TSNARE1: variants seen among roughly 807,000 people sequenced by gnomAD.
The protein encoded by TSNARE1 is t-SNARE domain containing 1.
A neutral mutation model predicts 62.0 loss-of-function variants in TSNARE1; 49 were observed. The observed-to-expected ratio is 0.79, with a 90% CI of 0.63 to 1.00. TSNARE1 has a LOEUF of 1.00. Ranked by LOEUF, TSNARE1 falls within the 50% of genes least tolerant of loss-of-function variation. The pLI, the probability that TSNARE1 is intolerant of heterozygous loss-of-function variation, is 0.00. For missense variants in TSNARE1, 755 were observed against 700.1 expected (o/e 1.08, Z -0.88); for synonymous variants, 328 against 294.4 (o/e 1.11, Z -1.17).
chr8:142,383,801 A>G (rs76017176), intron 1 of TSNARE1, among the ~76,000 whole-genome samples: 2 of 152,152 alleles, frequency 1.3e-5, no homozygotes, highest in African/African-American at 4.8e-5. Context: ...TTCCTTCTAG[A>G]ACTCACCTTA....
At chr8:142,317,214 G>A (rs1367711564) in intron 7 of TSNARE1, among the ~76,000 whole-genome samples, 14 of 143,272 alleles carry the variant, frequency 9.8e-5, no homozygotes, top group African/African-American at 2.4e-4. Flanking sequence ...CACACTGCAC[G>A]CGTGAAGCGG....
At chr8:142,324,596 CG>C (rs1563915419) in intron 6 of TSNARE1, among the ~76,000 whole-genome samples, 2 of 152,246 alleles carry the variant, frequency 1.3e-5, no homozygotes, top group East Asian at 3.8e-4. Context: ...TCATGTCCCG[CG>C]TATCTCATAC....
At chr8:142,375,055 C>T (rs1172579220) in intron 1 of TSNARE1, among the ~76,000 whole-genome samples, 1 of 152,226 alleles carries the variant, frequency 6.6e-6, no homozygotes, top group East Asian at 1.9e-4. Context: ...AACCACAGTA[C>T]TCGACCACAG....
rs139538973 is a variant in TSNARE1, at chr8:142,352,663, C to T, written c.88+1974G>A. On this transcript the variant is annotated intron_variant, in intron 2 of 13. Coordinates refer to ENST00000524325, the MANE Select transcript of TSNARE1 (RefSeq NM_145003.5). Reference sequence around the variant, plus strand: ...GCTCTCAGAACACGATGCGTAAAAGCAGCACGACACGGAGCAACGCAAATC... The same window carrying T: ...GCTCTCAGAACACGATGCGTAAAAGTAGCACGACACGGAGCAACGCAAATC... 9.8e-3 allele frequency among the ~76,000 whole-genome samples: 1,497 copies of T among 152,376 alleles called. 13 individuals are homozygous for T. Among genetic ancestry groups the T allele is most frequent in the East Asian group, 0.021 (108 of 5,186 alleles).
At chr8:142,305,764 C>G (rs1397105501) in intron 9 of TSNARE1, among the ~76,000 whole-genome samples, 1 of 152,200 alleles carries the variant, frequency 6.6e-6, no homozygotes, top group Admixed American at 6.5e-5. Flanking sequence ...GAGGGGACGG[C>G]CCTGTGATAG....
chr8:142,263,067 A>G (rs1159781116), intron 12 of TSNARE1, among the ~76,000 whole-genome samples: 1 of 152,154 alleles, frequency 6.6e-6, no homozygotes, highest in South Asian at 2.1e-4. Flanking sequence ...TGTCCTTTCT[A>G]ACTGAGCCCA....
chr8:142,283,833 A>T (rs568788657), intron 11 of TSNARE1, among the ~76,000 whole-genome samples: 2 of 132,030 alleles, frequency 1.5e-5, no homozygotes, highest in East Asian at 4.5e-4. Context: ...GTGTCTGTCA[A>T]TGAGCAGAGG....
chr8:142,256,327 ATCTTTG>A (rs879344493), intron 12 of TSNARE1, among the ~76,000 whole-genome samples: 183 of 144,364 alleles, frequency 1.3e-3, no homozygotes, highest in South Asian at 1.8e-3. Context: ...CACCATCACC[ATCTTTG>A]CCACCATCAT....
Position 142,223,039 on chromosome 8 carries a change from C to T in TSNARE1, c.*11+6434G>A, listed in dbSNP as rs183221110. On this transcript the variant is annotated intron_variant, in intron 13 of 13. Transcript: ENST00000524325. ...ACTCACTCAGCCACTCACTCATTCA[C>T]TCACTCACTCATTCACTCATTCACT... 2.9e-4 allele frequency among the ~76,000 whole-genome samples: 27 copies of T among 92,476 alleles called. 1 individual carries two copies. Among genetic ancestry groups the T allele is most frequent in the African/African-American group, 9.4e-4 (25 of 26,602 alleles). The allele number at this position is 92,476 out of a possible 152,430, so 60.7% of individuals were successfully genotyped here. A position where few individuals can be genotyped will look rare whatever the true frequency, so the allele number is the denominator to read the frequency against.
intron 1 of TSNARE1, among the ~76,000 whole-genome samples, chr8:142,400,695 A>AG (rs1838225905): frequency 6.6e-6 from 1 of 152,232 alleles, no homozygotes; most frequent in Non-Finnish European, 1.5e-5. Flanking sequence ...CCTAACCCCT[A>AG]GCCAACTGTT....
intron 11 of TSNARE1, chr8:142,276,853 C>T: frequency 9.1e-6 from 9 of 985,408 alleles, no homozygotes; most frequent in Non-Finnish European, 1.1e-5. Flanking sequence ...ATGGCACTGC[C>T]CACATTCAAG....
At chr8:142,323,190 C>T (rs1431715821) in intron 6 of TSNARE1, among the ~76,000 whole-genome samples, 1 of 152,214 alleles carries the variant, frequency 6.6e-6, no homozygotes, top group African/African-American at 2.4e-5. Flanking sequence ...AATTTATCCA[C>T]AGATTCAAGG....
chr8:142,313,859 G>A (rs557229620), intron 9 of TSNARE1, among the ~76,000 whole-genome samples: 23 of 152,078 alleles, frequency 1.5e-4, no homozygotes, highest in African/African-American at 5.1e-4. Context: ...CTGGAACCTC[G>A]GCCCTGCCTC....
At chr8:142,212,720 G>T (rs79760492) in intron 13 of TSNARE1, among the ~76,000 whole-genome samples, 3 of 151,328 alleles carry the variant, frequency 2.0e-5, no homozygotes, top group African/African-American at 7.3e-5. Flanking sequence ...TCCTGGGCAC[G>T]CTTCCACCTG....
chr8:142,249,155 G>C (rs2130262177), intron 12 of TSNARE1, among the ~76,000 whole-genome samples: 1 of 152,370 alleles, frequency 6.6e-6, no homozygotes, highest in South Asian at 2.1e-4. Context: ...TCTGCCATTG[G>C]CTTGACCCCA....
At chr8:142,235,606 C>T (rs1405161814) in intron 12 of TSNARE1, among the ~76,000 whole-genome samples, 2 of 152,048 alleles carry the variant, frequency 1.3e-5, no homozygotes, top group African/African-American at 4.8e-5. Flanking sequence ...CTTAAATGTT[C>T]ACATCAAAAA....
chr8:142,298,246 C>T (rs1320517807), intron 10 of TSNARE1, among the ~76,000 whole-genome samples: 1 of 152,238 alleles, frequency 6.6e-6, no homozygotes, highest in African/African-American at 2.4e-5. Flanking sequence ...CCACGTGGGG[C>T]GCCCTTGCCC....
In TSNARE1 at chr8:142,343,297, G is replaced by A. The variant is rs73370382; in HGVS notation, c.745+669C>T. On this transcript the variant is annotated intron_variant, in intron 4 of 13. Coordinates refer to ENST00000524325, the MANE Select transcript of TSNARE1 (RefSeq NM_145003.5). ...AACAGAGCAGCATGTTTCAAACCACGGCGCTGAAACCCAGGTCAGAAAACC... is the reference window on the plus strand; with the variant it reads ...AACAGAGCAGCATGTTTCAAACCACAGCGCTGAAACCCAGGTCAGAAAACC... Among the ~76,000 whole-genome samples, 1,076 of 152,276 alleles carry A rather than the reference G, an allele frequency of 7.1e-3. 12 individuals are homozygous for A. The highest frequency in any genetic ancestry group is 0.027 in the Middle Eastern group (8 of 294).
At position 142,317,323 on chromosome 8, in the gene TSNARE1, T is replaced by C. The variant is rs1354252519; in HGVS notation, c.984+1221A>G. 7.4e-3 allele frequency among the ~76,000 whole-genome samples: 329 copies of C among 44,742 alleles called. 14 individuals carry two copies. The highest frequency in any genetic ancestry group is 0.043 in the Middle Eastern group (3 of 70). The allele number at this position is 44,742 out of a possible 152,430, so 29.4% of individuals were successfully genotyped here. On this transcript the variant is annotated intron_variant, in intron 7 of 13. Coordinates refer to ENST00000524325, the MANE Select transcript of TSNARE1 (RefSeq NM_145003.5). Reference sequence around the variant, plus strand: ...TATGGCCAGCGGCTCACACTGTACGTGTGAAGCGGGTATGGCCAGCGGCTC... The same window carrying C: ...TATGGCCAGCGGCTCACACTGTACGCGTGAAGCGGGTATGGCCAGCGGCTC...
Sources: gnomAD v4.1 joint callset for allele counts (sites outside exome capture counted in the v4.1 genomes callset) on GRCh38, gnomAD v4.1.1 for gene constraint, MANE v1.5 for transcripts, NCBI Gene and HGNC (gene_info 2026-07-23, HGNC 2026-07-21) for gene names.